EFCAB5: variants seen among roughly 807,000 people sequenced by gnomAD.
EFCAB5 encodes the protein EF-hand calcium-binding domain-containing protein 5.
EFCAB5 carries 131 observed loss-of-function variants against 167.9 expected under a neutral mutation model. The observed-to-expected ratio is 0.78, with a 90% CI of 0.68 to 0.90. The LOEUF is 0.90. Among genes scored for constraint, EFCAB5 ranks in the 40% least tolerant of loss-of-function variants. The probability of loss-of-function intolerance (pLI) is 0.00; values close to 1 mark genes in which losing one functional copy is unlikely to be tolerated. For synonymous variants in EFCAB5, 574 were observed against 602.8 expected (o/e 0.95, Z 0.70); for missense variants, 1,663 against 1,745.2 (o/e 0.95, Z 0.84).
intron 5 of EFCAB5, among the ~76,000 whole-genome samples, chr17:29,993,871 C>T (rs919203766): frequency 2.0e-5 from 3 of 151,858 alleles, no homozygotes; most frequent in African/African-American, 7.3e-5. Flanking sequence ...ATAATCCCAG[C>T]ACTTTTGGAG....
chr17:30,030,336 T>G (rs1229388323), intron 7 of EFCAB5, among the ~76,000 whole-genome samples: 2 of 152,076 alleles, frequency 1.3e-5, no homozygotes, highest in Non-Finnish European at 2.9e-5. Context: ...GAAAAAGGTT[T>G]GTTTGTTTGT....
intron 8 of EFCAB5, among the ~76,000 whole-genome samples, chr17:30,041,943 A>G (rs771921608): frequency 3.9e-5 from 6 of 152,174 alleles, no homozygotes; most frequent in Non-Finnish European, 7.4e-5. Flanking sequence ...CAATTAATCT[A>G]TGGTACACTT....
intron 4 of EFCAB5, among the ~76,000 whole-genome samples, chr17:29,992,848 T>G (rs1182275753): frequency 6.6e-6 from 1 of 152,208 alleles, no homozygotes; most frequent in African/African-American, 2.4e-5. Context: ...TGTTTTTAGT[T>G]TTTTGAGGAA....
At chr17:30,003,532 CTTG>C (rs2068711030) in intron 7 of EFCAB5, among the ~76,000 whole-genome samples, 1 of 149,160 alleles carries the variant, frequency 6.7e-6, no homozygotes, top group Non-Finnish European at 1.5e-5. Flanking sequence ...TGTGCCCAGC[CTTG>C]TTGTTTTTTT....
intron 8 of EFCAB5, among the ~76,000 whole-genome samples, chr17:30,035,281 T>C (rs376194567): frequency 8.5e-5 from 13 of 152,240 alleles, no homozygotes; most frequent in East Asian, 5.8e-4. Flanking sequence ...AGGACAACTA[T>C]TCTCTGTTGG....
chr17:29,970,710 G>A (rs1385748017), intron 4 of EFCAB5, among the ~76,000 whole-genome samples: 4 of 144,628 alleles, frequency 2.8e-5, no homozygotes, highest in African/African-American at 1.1e-4. Flanking sequence ...ACCAACATCT[G>A]TAATAATGAT....
upstream of EFCAB5, among the ~76,000 whole-genome samples, chr17:29,936,851 A>G (rs984163050): frequency 5.9e-5 from 9 of 152,348 alleles, no homozygotes; most frequent in African/African-American, 7.2e-5. Context: ...TCTGTAGACT[A>G]TATTATGGCA....
At chr17:30,066,171 A>G (rs1020568094) in intron 14 of EFCAB5, among the ~76,000 whole-genome samples, 7 of 152,086 alleles carry the variant, frequency 4.6e-5, no homozygotes, top group African/African-American at 1.7e-4. Flanking sequence ...TTTTCAGCCC[A>G]TGGAACATTC....
intron 22 of EFCAB5, among the ~76,000 whole-genome samples, chr17:30,106,017 G>A (rs2151863436): frequency 1.3e-5 from 2 of 152,150 alleles, no homozygotes; most frequent in South Asian, 4.1e-4. Flanking sequence ...GTTCCTTTGT[G>A]TTGATAAAAG....
Position 30,087,169 on chromosome 17 carries a change from T to TA in EFCAB5, c.3683+4dup, listed in dbSNP as rs2071105573. Reference sequence around the variant, plus strand: ...CACAGGAAGTCATGCATCTTCAGGTTAGAGACATGTCTGTTTTGTTTGACT... The same window carrying TA: ...CACAGGAAGTCATGCATCTTCAGGTTAAGAGACATGTCTGTTTTGTTTGACT... On this transcript the variant is annotated splice_donor_region_variant and intron_variant, in intron 19 of 22. Coordinates refer to ENST00000394835, the MANE Select transcript of EFCAB5 (RefSeq NM_198529.4). The TA allele has an allele frequency of 6.2e-7, 1 of 1,612,612 alleles. No individual in the cohort carries two copies. Among genetic ancestry groups the TA allele is most frequent in the African/African-American group, 1.3e-5 (1 of 74,908 alleles).
At chr17:30,052,045 G>C (rs1187586613) in intron 9 of EFCAB5, among the ~76,000 whole-genome samples, 4 of 151,884 alleles carry the variant, frequency 2.6e-5, no homozygotes, top group Non-Finnish European at 5.9e-5. Flanking sequence ...TCAAACTCCT[G>C]GGCTCCAGCA....
chr17:30,084,578 T>C (rs1488498812), intron 18 of EFCAB5, among the ~76,000 whole-genome samples: 1 of 151,984 alleles, frequency 6.6e-6, no homozygotes. Context: ...CACCCAGCAG[T>C]CGGGTTGTGA....
intron 7 of EFCAB5, among the ~76,000 whole-genome samples, chr17:30,031,608 A>G (rs2069481429): frequency 6.6e-6 from 1 of 152,210 alleles, no homozygotes; most frequent in Non-Finnish European, 1.5e-5. Context: ...ATGAACGGAT[A>G]TGAGAACAGG....
At chr17:30,094,293 G>T (rs780046452) in intron 22 of EFCAB5, among the ~76,000 whole-genome samples, 2 of 151,976 alleles carry the variant, frequency 1.3e-5, no homozygotes, top group African/African-American at 2.4e-5. Context: ...CATGGCACAT[G>T]TATACCTATG....
intron 14 of EFCAB5, among the ~76,000 whole-genome samples, chr17:30,066,278 A>G (rs919454142): frequency 6.6e-6 from 1 of 152,260 alleles, no homozygotes; most frequent in African/African-American, 2.4e-5. Context: ...CAATGAAATA[A>G]AAATAGAAAT....
intron 4 of EFCAB5, among the ~76,000 whole-genome samples, chr17:29,982,915 C>T (rs944703867): frequency 2.0e-5 from 3 of 152,202 alleles, no homozygotes; most frequent in African/African-American, 7.2e-5. Flanking sequence ...TTTACTTCTA[C>T]TCTTTAATCA....
At position 30,085,719 on chromosome 17, in the gene EFCAB5, C is replaced by CA. The variant is rs60700223; in HGVS notation, c.3580-1325dup. ...TGGGCGACACAGCGAGACTCCGTCT[C>CA]AAAAAAAAAAAAAAAAAAAGAAAAG... On this transcript the variant is annotated intron_variant, in intron 18 of 22. Coordinates refer to ENST00000394835, the MANE Select transcript of EFCAB5 (RefSeq NM_198529.4). Among the ~76,000 whole-genome samples, 439 of 125,474 alleles carry CA rather than the reference C, an allele frequency of 3.5e-3. 3 individuals are homozygous for CA. Among genetic ancestry groups the CA allele is most frequent in the African/African-American group, 0.013 (404 of 32,062 alleles). The allele number at this position is 125,474 out of a possible 152,430, so 82.3% of individuals were successfully genotyped here.
At chr17:30,080,347 T>A in intron 16 of EFCAB5, 106 bp downstream of exon 16, 1 of 1,242,350 alleles carries the variant, frequency 8.0e-7, no homozygotes. Flanking sequence ...GAGAGGTGCC[T>A]CAAGTCACCA....
At chr17:29,940,683 C>T (rs2067286056), upstream of EFCAB5, among the ~76,000 whole-genome samples, 1 of 152,102 alleles carries the variant, frequency 6.6e-6, no homozygotes. Context: ...ATGTTGGAAA[C>T]TCTTCTCTCC....
Sources: gnomAD v4.1 joint callset for allele counts (sites outside exome capture counted in the v4.1 genomes callset) on GRCh38, gnomAD v4.1.1 for gene constraint, MANE v1.5 for transcripts, NCBI Gene and HGNC (gene_info 2026-07-23, HGNC 2026-07-21) for gene names.